Variants in NUP210 observed in about 807,000 individuals in gnomAD.
NUP210 encodes nuclear pore membrane glycoprotein 210.
NUP210 carries 151 observed loss-of-function variants against 196.0 expected under a neutral mutation model. The observed-to-expected ratio is 0.77, with a 90% CI of 0.67 to 0.88. The LOEUF is 0.88. NUP210 is among the 40% of genes least tolerant of loss of function. The probability of loss-of-function intolerance (pLI) is 0.00; values close to 1 mark genes in which losing one functional copy is unlikely to be tolerated. For synonymous variants in NUP210, 1,070 were observed against 1,052.7 expected, an observed-to-expected ratio of 1.02 and a Z score of -0.32; for missense variants, 2,314 against 2,493.7, an observed-to-expected ratio of 0.93 and a Z score of 1.53.
intron 36 of NUP210, 103 bp downstream of exon 36, chr3:13,321,482 A>C: frequency 2.4e-6 from 3 of 1,273,752 alleles, no homozygotes; most frequent in Non-Finnish European, 3.3e-6. Context: ...ATAAATTTTA[A>C]AGAGAGCTGG....
chr3:13,359,964 G>A (rs555029908), intron 15 of NUP210, among the ~76,000 whole-genome samples: 1 of 152,286 alleles, frequency 6.6e-6, no homozygotes, highest in East Asian at 1.9e-4. Context: ...TGTGACCCCC[G>A]AACTCAAAGC....
chr3:13,394,839 T>C (rs61023360), intron 3 of NUP210, among the ~76,000 whole-genome samples: 6,048 of 152,244 alleles, frequency 0.04, 410 homozygotes, highest in African/African-American at 0.14. Context: ...CAAGTTCATC[T>C]TCACAGAGGA....
chr3:13,376,248 G>C, intron 10 of NUP210, 43 bp downstream of exon 10: 3 of 1,607,136 alleles, frequency 1.9e-6, no homozygotes, highest in Non-Finnish European at 2.6e-6. Context: ...ACAGAGGGTG[G>C]CTTCATAGGA....
intron 1 of NUP210, among the ~76,000 whole-genome samples, chr3:13,403,546 T>C (rs1699909346): frequency 6.6e-6 from 1 of 152,096 alleles, no homozygotes; most frequent in African/African-American, 2.4e-5. Flanking sequence ...GACACAGACA[T>C]TCGTTCACGT....
intron 33 of NUP210, among the ~76,000 whole-genome samples, chr3:13,324,130 T>G (rs1696647273): frequency 6.6e-6 from 1 of 152,104 alleles, no homozygotes; most frequent in Non-Finnish European, 1.5e-5. Context: ...ACTGTCAAAC[T>G]CACGGTGCCT....
intron 18 of NUP210, among the ~76,000 whole-genome samples, chr3:13,353,266 C>T (rs548947483): frequency 1.4e-4 from 22 of 152,272 alleles, no homozygotes; most frequent in African/African-American, 5.1e-4. Context: ...GCTGCCTCCA[C>T]CTTATTCAAG....
At chr3:13,399,952 C>A (rs563369213) in intron 1 of NUP210, 91 bp from the exon 2 acceptor site, 2 of 1,463,688 alleles carry the variant, frequency 1.4e-6, no homozygotes, top group African/African-American at 1.4e-5. Flanking sequence ...CCGTCTAGGG[C>A]GCAGTCCTGG....
At chr3:13,369,491 A>T (rs1698652870) in intron 13 of NUP210, among the ~76,000 whole-genome samples, 1 of 152,140 alleles carries the variant, frequency 6.6e-6, no homozygotes, top group South Asian at 2.1e-4. Context: ...AAAAATGCCA[A>T]ATTCCAATGT....
At chr3:13,352,249 C>T (rs570411144) in intron 18 of NUP210, 65 bp from the exon 19 acceptor site, 1 of 1,274,702 alleles carries the variant, frequency 7.8e-7, no homozygotes, top group South Asian at 1.3e-5. Context: ...TCGGGAAGAA[C>T]AGGCCCAAAA....
At chr3:13,345,673 G>A (rs2124868128) in intron 20 of NUP210, among the ~76,000 whole-genome samples, 1 of 152,330 alleles carries the variant, frequency 6.6e-6, no homozygotes, top group East Asian at 1.9e-4. Flanking sequence ...AGATCCCGGA[G>A]TGGACATCAC....
Position 13,352,082 on chromosome 3 carries a change from G to C in NUP210, c.2731C>G (p.Gln911Glu), listed in dbSNP as rs1332511729. 1.2e-6 allele frequency: 2 copies of C among 1,613,276 alleles called. No homozygotes were observed. The highest frequency in any genetic ancestry group is 1.7e-6 in the Non-Finnish European group (2 of 1,179,322). ...AGGTGGCAGGGCAAGGACTGTACCT[G>C]GATGCCAGGGTGGTTGTAGATGGTC... is the stretch of plus-strand genomic sequence containing the variant. ...EVTIYNHPGI[Q>E]AELRIREGSG... The change falls in exon 19 of 40, where the codon CAG (glutamine) becomes GAG (glutamate). Residue 911 changes from glutamine (Q) to glutamate (E), a missense_variant and splice_region_variant. Coordinates refer to ENST00000254508, the MANE Select transcript of NUP210 (RefSeq NM_024923.4).
intron 1 of NUP210, among the ~76,000 whole-genome samples, chr3:13,402,688 C>G (rs1411507400): frequency 1.4e-5 from 2 of 146,216 alleles, no homozygotes; most frequent in African/African-American, 5.5e-5. Flanking sequence ...GTAACACAGG[C>G]CACGTTTTCA....
intron 18 of NUP210, among the ~76,000 whole-genome samples, chr3:13,352,851 G>A (rs1698026880): frequency 6.6e-6 from 1 of 152,076 alleles, no homozygotes; most frequent in Non-Finnish European, 1.5e-5. Context: ...GACAAGGAAG[G>A]TGTCTGCAAG....
chr3:13,376,421 A>C lies in NUP210; in HGVS notation c.1163T>G (p.Ile388Ser). 3 of 1,614,196 alleles carry C rather than the reference A, an allele frequency of 1.9e-6. No individual in the cohort carries two copies. The highest frequency in any genetic ancestry group is 2.5e-6 in the Non-Finnish European group (3 of 1,180,026). Residue 388 changes from isoleucine to serine, a missense_variant, in exon 10 of 40, where the codon ATT becomes AGT. Physicochemically the swap from Ile to Ser is moderately radical, Grantham distance 142. Coordinates refer to ENST00000254508, the MANE Select transcript of NUP210 (RefSeq NM_024923.4). Reference sequence around the variant, plus strand: ...GAACTCAGCAGGAAGCACAGTTTCAATTCGGATGTTCTGGAAGGTGAGGCA... The same window carrying C: ...GAACTCAGCAGGAAGCACAGTTTCACTTCGGATGTTCTGGAAGGTGAGGCA... ...NKVYVSDNIR[I>S]ETVLPAEFFE...
At position 13,319,801 on chromosome 3, in the gene NUP210, G is replaced by A. The variant is rs1171963979; in HGVS notation, c.5345C>T (p.Thr1782Ile). Residue 1782 changes from threonine (T) to isoleucine (I), a missense_variant, in exon 37 of 40, where the codon ACA becomes ATA. Coordinates refer to ENST00000254508, the MANE Select transcript of NUP210 (RefSeq NM_024923.4). ...ACGGCGATCCACCACAAAAGCCACT[G>A]TCACTGGGATGGCAATGGCTTGGTT... ...VTNQAIAIPV[T>I]VAFVVDRRGP... 8 of 1,614,226 alleles carry A rather than the reference G, an allele frequency of 5.0e-6. No homozygotes were observed. The highest frequency in any genetic ancestry group is 1.1e-5 in the South Asian group (1 of 91,084).
At chr3:13,372,122 G>A (rs1399469116) in intron 12 of NUP210, 90 bp from the exon 13 acceptor site, 2 of 1,176,282 alleles carry the variant, frequency 1.7e-6, no homozygotes, top group Non-Finnish European at 1.2e-6. Context: ...GCTGTGTGCT[G>A]AGCACTGAGG....
At chr3:13,400,269 C>T (rs906713671) in intron 1 of NUP210, among the ~76,000 whole-genome samples, 1 of 152,200 alleles carries the variant, frequency 6.6e-6, no homozygotes. Context: ...TCTCGACCGA[C>T]CTCTAGCCCA....
In NUP210 at chr3:13,325,836, C is replaced by T; in HGVS notation, c.4603G>A (p.Val1535Ile). Residue 1535 changes from valine to isoleucine, a missense_variant, in exon 33 of 40, where the codon GTT (valine) becomes ATT (isoleucine). Val to Ile is a conservative substitution (Grantham distance 29). Coordinates refer to ENST00000254508, the MANE Select transcript of NUP210 (RefSeq NM_024923.4). ...AGGTGCCCAGCGACCTCATAGTAAA[C>T]CGTCACGGATCCCACGGCCCGGGCC... ...AVARAVGSVT[V>I]YYEVAGHLRT... 6.2e-7 allele frequency: 1 copy of T among 1,613,980 alleles called. No individual in the cohort carries two copies. The highest frequency in any genetic ancestry group is 1.1e-5 in the South Asian group (1 of 91,088).
chr3:13,365,625 C>T (rs1422301791), intron 14 of NUP210, among the ~76,000 whole-genome samples: 1 of 152,234 alleles, frequency 6.6e-6, no homozygotes, highest in African/African-American at 2.4e-5. Flanking sequence ...TGTTCTGACC[C>T]TTGCTGAACA....
Sources: gnomAD v4.1 joint callset for allele counts (sites outside exome capture counted in the v4.1 genomes callset) on GRCh38, gnomAD v4.1.1 for gene constraint, MANE v1.5 for transcripts, NCBI Gene and HGNC (gene_info 2026-07-23, HGNC 2026-07-21) for gene names.